The following NEDD9 variants were observed in gnomAD, a reference collection of about 807,000 sequenced individuals.
NEDD9 encodes the protein enhancer of filamentation 1.
Under a neutral mutation model 76.6 loss-of-function variants are expected in NEDD9, and 26 were observed. That is an observed-to-expected ratio of 0.34 (90% confidence interval 0.25 to 0.47). The LOEUF (loss-of-function observed/expected upper bound fraction) is 0.47. NEDD9 is among the 20% of genes least tolerant of loss of function. The pLI, the probability that NEDD9 is intolerant of heterozygous loss-of-function variation, is 1.00. For missense variants in NEDD9, 937 were observed against 1,058.5 expected (o/e 0.89, Z 1.59); for synonymous variants, 392 against 414.2 (o/e 0.95, Z 0.65).
At chr6:11,338,206 T>A (rs1413367430) in intron 1 of NEDD9, among the ~76,000 whole-genome samples, 1 of 152,160 alleles carries the variant, frequency 6.6e-6, no homozygotes, top group African/African-American at 2.4e-5. Flanking sequence ...AATTTGGACA[T>A]AAACACACAT....
At chr6:11,262,192 G>A (rs1325511861) in intron 3 of NEDD9, among the ~76,000 whole-genome samples, 1 of 152,116 alleles carries the variant, frequency 6.6e-6, no homozygotes, top group Non-Finnish European at 1.5e-5. Flanking sequence ...GAGAGTTGAT[G>A]GTACAAAAGC....
At chr6:11,288,432 A>T (rs1279231199) in intron 3 of NEDD9, among the ~76,000 whole-genome samples, 1 of 152,258 alleles carries the variant, frequency 6.6e-6, no homozygotes, top group Non-Finnish European at 1.5e-5. Context: ...TCACTATGTG[A>T]GGAGCCAAAT....
chr6:11,200,967 T>C, intron 2 of NEDD9: 1 of 1,614,246 alleles, frequency 6.2e-7, no homozygotes. Context: ...AGATGAGATC[T>C]TTTCAGTGGA....
chr6:11,301,304 C>T (rs925590997), intron 3 of NEDD9, among the ~76,000 whole-genome samples: 2 of 152,116 alleles, frequency 1.3e-5, no homozygotes, highest in Non-Finnish European at 2.9e-5. Flanking sequence ...ATCAATTCAC[C>T]AAGAAGAGCT....
chr6:11,378,330 A>G (rs1019880919), intron 1 of NEDD9, among the ~76,000 whole-genome samples: 5 of 152,132 alleles, frequency 3.3e-5, no homozygotes, highest in African/African-American at 9.7e-5. Context: ...CTCCCCCTTC[A>G]TCTTTCACCA....
At chr6:11,332,854 C>G (rs747899146) in intron 2 of NEDD9, among the ~76,000 whole-genome samples, 2 of 152,126 alleles carry the variant, frequency 1.3e-5, no homozygotes, top group Non-Finnish European at 2.9e-5. Flanking sequence ...TGATGGGGAG[C>G]TTTTCAACAA....
intron 3 of NEDD9, among the ~76,000 whole-genome samples, chr6:11,292,930 G>T (rs976673251): frequency 1.3e-5 from 2 of 152,190 alleles, no homozygotes; most frequent in African/African-American, 4.8e-5. Context: ...CATGGAACTT[G>T]CTAAAATTAT....
Position 11,350,218 on chromosome 6 carries a change from A to G in NEDD9, c.-213-15657T>C, listed in dbSNP as rs1350123503. Among the ~76,000 whole-genome samples, 3 of 152,218 alleles carry G rather than the reference A, an allele frequency of 2.0e-5. No individual in the cohort carries two copies. In the East Asian group the frequency reaches 5.8e-4, roughly 29 times the overall value. ...ATGTACATCCAGTCCTAAGGAGGAA[A>G]TTATTACAGGTACAGGATTTCAGTC... is the stretch of plus-strand genomic sequence containing the variant. On this transcript the variant is annotated intron_variant, in intron 1 of 3. Coordinates refer to the NEDD9 transcript ENST00000397378.
intron 2 of NEDD9, among the ~76,000 whole-genome samples, chr6:11,309,265 T>A (rs1761292756): frequency 6.6e-6 from 1 of 152,264 alleles, no homozygotes; most frequent in Admixed American, 6.5e-5. Context: ...CTGTATGGTA[T>A]TCCACTGTAT....
chr6:11,253,632 A>G (rs142654954), intron 3 of NEDD9, among the ~76,000 whole-genome samples: 15 of 152,350 alleles, frequency 9.8e-5, no homozygotes, highest in Admixed American at 3.3e-4. Context: ...AGTGTGGGAA[A>G]CTATGGTATC....
chr6:11,363,790 T>TA (rs1229711716), intron 1 of NEDD9, among the ~76,000 whole-genome samples: 1 of 140,332 alleles, frequency 7.1e-6, no homozygotes, highest in Non-Finnish European at 1.5e-5. Context: ...TTTGACTGTG[T>TA]AGTCATTCTA....
At chr6:11,268,899 G>A (rs1412046863) in intron 3 of NEDD9, among the ~76,000 whole-genome samples, 1 of 151,954 alleles carries the variant, frequency 6.6e-6, no homozygotes, top group African/African-American at 2.4e-5. Flanking sequence ...TTAGGAAGAG[G>A]GATTTTACTT....
intron 1 of NEDD9, among the ~76,000 whole-genome samples, chr6:11,361,295 T>A (rs559843647): frequency 4.7e-4 from 72 of 152,254 alleles, no homozygotes; most frequent in African/African-American, 1.7e-3. Context: ...TATAAGGAAA[T>A]GCCCGAGACT....
At chr6:11,323,877 C>T (rs114800775) in intron 2 of NEDD9, among the ~76,000 whole-genome samples, 250 of 152,304 alleles carry the variant, frequency 1.6e-3, no homozygotes, top group African/African-American at 5.6e-3. Flanking sequence ...CCATTCTTAA[C>T]GATGATAAAT....
Position 11,317,542 on chromosome 6 carries a change from C to T in NEDD9, c.-152-11387G>A, listed in dbSNP as rs558163575. On this transcript the variant is annotated intron_variant, in intron 2 of 3. Transcript: ENST00000397378. ...AGATTCAGGATGGTGCGTTATTACA[C>T]AAAGAACAGAGGAAAGAACTTGACA... Among the ~76,000 whole-genome samples, 5 of 152,044 alleles carry T rather than the reference C, an allele frequency of 3.3e-5. No homozygotes were observed. The South Asian group carries it at 1.0e-3, about 32-fold the overall frequency.
intron 1 of NEDD9, among the ~76,000 whole-genome samples, chr6:11,224,889 C>T (rs1351497416): frequency 6.6e-6 from 1 of 152,180 alleles, no homozygotes; most frequent in East Asian, 1.9e-4. Flanking sequence ...TCATGAATCA[C>T]TGAGATTAAG....
At chr6:11,257,450 G>A (rs571645153) in intron 3 of NEDD9, among the ~76,000 whole-genome samples, 1 of 152,124 alleles carries the variant, frequency 6.6e-6, no homozygotes, top group Middle Eastern at 3.2e-3. Context: ...CCTTCTGAGG[G>A]CCCGTGAGTA....
At chr6:11,262,607 A>C (rs141802067) in intron 3 of NEDD9, among the ~76,000 whole-genome samples, 1 of 152,254 alleles carries the variant, frequency 6.6e-6, no homozygotes, top group Non-Finnish European at 1.5e-5. Flanking sequence ...GTGTGGCTCC[A>C]CATTTCCAAT....
chr6:11,213,850 A>G lies in NEDD9; in HGVS notation c.13-123T>C, dbSNP rs149268563. Reference sequence around the variant, plus strand: ...AAAGAGAGAAGCATAAATCTGAACAATAGACTGTAAGGAGAAAAACAGATG... The same window carrying G: ...AAAGAGAGAAGCATAAATCTGAACAGTAGACTGTAAGGAGAAAAACAGATG... On this transcript the variant is annotated intron_variant, in intron 1 of 6. Transcript: ENST00000379446. The surrounding 1 kb of genome is among the most constrained non-coding windows in gnomAD (Gnocchi z 5.4). 10 of 855,846 alleles carry G rather than the reference A, an allele frequency of 1.2e-5. No individual in the cohort carries two copies. Among genetic ancestry groups the G allele is most frequent in the Non-Finnish European group, 1.6e-5 (9 of 557,986 alleles). 53.0% of individuals were successfully genotyped at this position (855,846 alleles called of 1,614,324 possible).
Sources: allele counts gnomAD v4.1 joint callset (sites outside exome capture counted in the v4.1 genomes callset), GRCh38; gene constraint gnomAD v4.1.1; non-coding constraint Gnocchi (gnomAD v3.1); transcripts MANE v1.5; gene names NCBI Gene and HGNC (gene_info 2026-07-23, HGNC 2026-07-21).